MPP7: variants seen among roughly 807,000 people sequenced by gnomAD.
MPP7 encodes the protein MAGUK p55 subfamily member 7.
MPP7 carries 60 observed loss-of-function variants against 76.5 expected under a neutral mutation model. The ratio of observed to expected loss-of-function variants is 0.78; its 90% CI spans 0.64 to 0.97. The LOEUF (loss-of-function observed/expected upper bound fraction) is 0.97, where lower values mean the gene tolerates loss of function less well. MPP7 is among the 50% of genes least tolerant of loss of function. The pLI is 0.00. For missense variants in MPP7, 641 were observed against 694.0 expected (o/e 0.92, Z 0.86); for synonymous variants, 237 against 244.5 (o/e 0.97, Z 0.29).
chr10:28,056,856 A>C (rs560018794), intron 15 of MPP7, among the ~76,000 whole-genome samples: 97 of 152,330 alleles, frequency 6.4e-4, no homozygotes, highest in African/African-American at 2.3e-3. Context: ...ATTAACATTG[A>C]ACAGAAGTGA....
At chr10:28,316,619 C>A (rs1373483379) in intron 2 of MPP7, among the ~76,000 whole-genome samples, 1 of 152,046 alleles carries the variant, frequency 6.6e-6, no homozygotes, top group African/African-American at 2.4e-5. Context: ...TCTGTACTAT[C>A]TTCTCAATTT....
intron 2 of MPP7, among the ~76,000 whole-genome samples, chr10:28,228,353 T>G (rs546116510): frequency 1.1e-4 from 17 of 152,330 alleles, no homozygotes; most frequent in Admixed American, 5.9e-4. Context: ...AATCTATCAC[T>G]TTAAGGATAA....
chr10:28,166,965 A>C (rs999020767), intron 3 of MPP7, among the ~76,000 whole-genome samples: 3 of 152,014 alleles, frequency 2.0e-5, no homozygotes, highest in Non-Finnish European at 4.4e-5. Flanking sequence ...TTATTTACCT[A>C]TTTTGCTATC....
intron 2 of MPP7, among the ~76,000 whole-genome samples, chr10:28,213,551 T>C (rs546114630): frequency 1.3e-5 from 2 of 152,044 alleles, no homozygotes; most frequent in African/African-American, 4.8e-5. Context: ...TCCCAGCACT[T>C]TGTGAGGCCA....
intron 2 of MPP7, among the ~76,000 whole-genome samples, chr10:28,229,144 C>T (rs1838794768): frequency 6.6e-6 from 1 of 152,026 alleles, no homozygotes; most frequent in East Asian, 1.9e-4. Context: ...CAAATGAATT[C>T]TGGATAAGGC....
chr10:28,219,614 A>G (rs755043779), intron 2 of MPP7, among the ~76,000 whole-genome samples: 14 of 152,288 alleles, frequency 9.2e-5, no homozygotes, highest in Non-Finnish European at 7.4e-5. Context: ...AATATCTAGA[A>G]GTCATATGGA....
At chr10:28,244,227 G>C (rs555920241) in intron 1 of MPP7, among the ~76,000 whole-genome samples, 1 of 152,194 alleles carries the variant, frequency 6.6e-6, no homozygotes, top group African/African-American at 2.4e-5. Context: ...TCTAGAAGTA[G>C]CATGCTTTCT....
At chr10:28,170,481 C>A (rs1444603559) in intron 3 of MPP7, among the ~76,000 whole-genome samples, 1 of 151,728 alleles carries the variant, frequency 6.6e-6, no homozygotes, top group South Asian at 2.1e-4. Flanking sequence ...CCTCTATTTT[C>A]TTTATCATCG....
At position 28,052,068 on chromosome 10, in the gene MPP7, C is replaced by T. The variant is rs1216623928; in HGVS notation, c.*1997G>A. On this transcript the variant is annotated 3_prime_UTR_variant, in exon 17 of 17. Transcript: ENST00000683449. Reference sequence around the variant, plus strand: ...CACCAAAAAAGGACTCAGTTTCTCCCACTTTACACTATATCTCTGTCCCCA... The same window carrying T: ...CACCAAAAAAGGACTCAGTTTCTCCTACTTTACACTATATCTCTGTCCCCA... The T allele has an allele frequency of 6.6e-6, 1 of 152,078 alleles. No homozygotes were observed. Among genetic ancestry groups the T allele is most frequent in the Non-Finnish European group, 1.5e-5 (1 of 68,024 alleles). The allele number at this position is 152,078 out of a possible 1,614,324, so 9.4% of individuals were successfully genotyped here. A position where few individuals can be genotyped will look rare whatever the true frequency, so the allele number is the denominator to read the frequency against.
At chr10:28,056,287 A>G (rs756707993) in intron 16 of MPP7, among the ~76,000 whole-genome samples, 193 bp downstream of exon 16, 2 of 152,128 alleles carry the variant, frequency 1.3e-5, no homozygotes, top group Non-Finnish European at 2.9e-5. Flanking sequence ...CCTCCCAAGT[A>G]GCTGGGACTA....
intron 2 of MPP7, among the ~76,000 whole-genome samples, chr10:28,210,264 A>AT (rs531056227): frequency 1.2e-3 from 178 of 152,332 alleles, no homozygotes; most frequent in African/African-American, 3.8e-3. Flanking sequence ...ACACACCTAT[A>AT]TAAGTCAGTT....
chr10:28,332,229 A>G (rs1480665504), intron 1 of MPP7, among the ~76,000 whole-genome samples: 11 of 131,824 alleles, frequency 8.3e-5, no homozygotes, highest in Non-Finnish European at 1.9e-4. Context: ...GTACATTGCC[A>G]GTTTGTCAAA....
At chr10:28,221,750 T>G (rs962755891) in intron 2 of MPP7, among the ~76,000 whole-genome samples, 2 of 152,198 alleles carry the variant, frequency 1.3e-5, no homozygotes, top group Non-Finnish European at 2.9e-5. Flanking sequence ...AGTCTGTGCC[T>G]TATCTTAAAA....
rs189356399 is a variant in MPP7, at chr10:28,121,741, G to T, written c.616-1073C>A. ...CACATTTGAAAGATATGAAAGGAAGGGGGGTAGGGCAAGACATATCTCTGA... is the reference window on the plus strand; with the variant it reads ...CACATTTGAAAGATATGAAAGGAAGTGGGGTAGGGCAAGACATATCTCTGA... On this transcript the variant is annotated intron_variant, in intron 8 of 16. Coordinates refer to ENST00000683449, the MANE Select transcript of MPP7 (RefSeq NM_001318170.2). Among the ~76,000 whole-genome samples the T allele has an allele frequency of 4.6e-5, 7 of 152,036 alleles. No homozygotes were observed. The East Asian group carries it at 9.7e-4, about 21-fold the overall frequency.
intron 3 of MPP7, among the ~76,000 whole-genome samples, chr10:28,189,063 A>G (rs2133938407): frequency 6.6e-6 from 1 of 152,304 alleles, no homozygotes; most frequent in Non-Finnish European, 1.5e-5. Flanking sequence ...AATAAATATA[A>G]AGCAAAATAT....
chr10:28,205,505 G>A (rs565286783), intron 2 of MPP7, among the ~76,000 whole-genome samples: 69 of 152,220 alleles, frequency 4.5e-4, no homozygotes, highest in Admixed American at 4.3e-3. Context: ...CTGAGACAAT[G>A]AGATACCCTA....
chr10:28,144,650 TC>T (rs2133747620), intron 5 of MPP7, among the ~76,000 whole-genome samples: 1 of 152,250 alleles, frequency 6.6e-6, no homozygotes, highest in South Asian at 2.1e-4. Flanking sequence ...CATCTCCCAC[TC>T]CTTTGTCCCC....
chr10:28,173,102 T>C (rs962764533), intron 3 of MPP7, among the ~76,000 whole-genome samples: 3 of 151,804 alleles, frequency 2.0e-5, no homozygotes, highest in Non-Finnish European at 2.9e-5. Flanking sequence ...TGGCAAAACA[T>C]GCTTTCCAAA....
intron 16 of MPP7, among the ~76,000 whole-genome samples, chr10:28,054,667 G>C (rs952450019): frequency 6.6e-6 from 1 of 152,054 alleles, no homozygotes; most frequent in African/African-American, 2.4e-5. Flanking sequence ...GTAAAAGGAT[G>C]ATTACCATGT....
Sources: allele counts gnomAD v4.1 joint callset (sites outside exome capture counted in the v4.1 genomes callset), GRCh38; gene constraint gnomAD v4.1.1; transcripts MANE v1.5; gene names NCBI Gene and HGNC (gene_info 2026-07-23, HGNC 2026-07-21).